DBN1: variants seen among roughly 807,000 people sequenced by gnomAD.
DBN1 encodes drebrin.
DBN1 carries 21 observed loss-of-function variants against 83.5 expected under a neutral mutation model. The observed-to-expected ratio is 0.25, with a 90% CI of 0.18 to 0.36. The LOEUF (loss-of-function observed/expected upper bound fraction) is 0.36, where lower values mean the gene tolerates loss of function less well. Among genes scored for constraint, DBN1 ranks in the 10% least tolerant of loss-of-function variants. The probability of loss-of-function intolerance (pLI) is 1.00; values close to 1 mark genes in which losing one functional copy is unlikely to be tolerated. For synonymous variants in DBN1, 381 were observed against 384.9 expected (o/e 0.99, Z 0.12); for missense variants, 874 against 935.7 (o/e 0.93, Z 0.86).
Position 177,458,326 on chromosome 5 carries a change from T to C in DBN1, c.1646A>G (p.Glu549Gly). The C allele has an allele frequency of 6.2e-7, 1 of 1,613,234 alleles. No homozygotes were observed. The highest frequency in any genetic ancestry group is 8.5e-7 in the Non-Finnish European group (1 of 1,179,370). ...CAGGGGCACCTCTGCCAGGGTGACCTCAGTACCCGAGGGTGGCGTGGGGGC... is the reference window on the plus strand; with the variant it reads ...CAGGGGCACCTCTGCCAGGGTGACCCCAGTACCCGAGGGTGGCGTGGGGGC... ...PRAPTPPSGTEVTLAEVPLLD... is the reference protein window; with the variant it reads ...PRAPTPPSGTGVTLAEVPLLD... The change falls in exon 13 of 15, where the codon GAG (glutamate) becomes GGG (glycine). Residue 549 changes from glutamate to glycine, a missense_variant. Around this residue, in one of 4 missense-constraint regions of DBN1, gnomAD observed 725 missense variants for 719.7 expected, o/e 1.01. Transcript: ENST00000393565.
In DBN1 at chr5:177,464,248, C is replaced by T. The variant is rs769322269; in HGVS notation, c.771+2524G>A. ...GGATCACGAGGTCAGGAGTTCGAGA[C>T]CAGCCTGACCAACACGGTGAAACCC... On this transcript the variant is annotated intron_variant, in intron 8 of 14. Coordinates refer to ENST00000393565, the MANE Select transcript of DBN1 (RefSeq NM_001363541.2). 4.6e-5 allele frequency among the ~76,000 whole-genome samples: 7 copies of T among 150,622 alleles called. No homozygotes were observed. In the East Asian group the frequency reaches 1.2e-3, roughly 26 times the overall value.
chr5:177,465,914 T>C (rs1757413263), intron 8 of DBN1, among the ~76,000 whole-genome samples: 2 of 151,036 alleles, frequency 1.3e-5, no homozygotes, highest in African/African-American at 4.9e-5. Context: ...ACCCAGCTCG[T>C]TCTCCACCAT....
Position 177,460,707 on chromosome 5 carries a change from G to A in DBN1, c.772-4C>T. 6.2e-7 allele frequency: 1 copy of A among 1,613,686 alleles called. No homozygotes were observed. Among genetic ancestry groups the A allele is most frequent in the Non-Finnish European group, 8.5e-7 (1 of 1,179,898 alleles). Reference sequence around the variant, plus strand: ...CCTCCTCATCCCGATGGTCACCCTAGAAACCAAAGGGACAGTGTCTGGTGC... The same window carrying A: ...CCTCCTCATCCCGATGGTCACCCTAAAAACCAAAGGGACAGTGTCTGGTGC... On this transcript the variant is annotated splice_polypyrimidine_tract_variant and splice_region_variant and intron_variant, in intron 8 of 14. Coordinates refer to ENST00000393565, the MANE Select transcript of DBN1 (RefSeq NM_001363541.2).
chr5:177,457,974 G>A, intron 13 of DBN1, 84 bp downstream of exon 13: 4 of 1,569,974 alleles, frequency 2.5e-6, no homozygotes, highest in Non-Finnish European at 3.5e-6. Context: ...GGGGGTACTG[G>A]TGCAAGCATG....
Position 177,473,434 on chromosome 5 carries a change from A to C in DBN1, c.86+2T>G. ...GGCCGGGGGCGGGGGCGGGGGGCTC[A>C]CCAGTCGGCCGCGCTCTCCTCTCGG... On this transcript the variant is annotated splice_donor_variant, in intron 1 of 14. Coordinates refer to ENST00000393565, the MANE Select transcript of DBN1 (RefSeq NM_001363541.2). LOFTEE classifies it high-confidence loss of function. The C allele has an allele frequency of 7.1e-7, 1 of 1,403,152 alleles. No homozygotes were observed. The highest frequency in any genetic ancestry group is 9.4e-7 in the Non-Finnish European group (1 of 1,067,434). 86.9% of individuals were successfully genotyped at this position (1,403,152 alleles called of 1,614,324 possible). A position where few individuals can be genotyped will look rare whatever the true frequency, so the allele number is the denominator to read the frequency against.
intron 10 of DBN1, 118 bp downstream of exon 10, chr5:177,460,310 TGAAG>T: frequency 7.0e-7 from 1 of 1,433,018 alleles, no homozygotes; most frequent in Middle Eastern, 2.5e-4. Flanking sequence ...GCACGCTGGA[TGAAG>T]GGTCTCGCCT....
At chr5:177,460,725 T>C (rs1456563293) in intron 8 of DBN1, 22 bp from the exon 9 acceptor site, 1 of 1,612,726 alleles carries the variant, frequency 6.2e-7, no homozygotes, top group Non-Finnish European at 8.5e-7. Context: ...AGGGACAGTG[T>C]CTGGTGCACC....
chr5:177,466,638 A>G lies in DBN1; in HGVS notation c.771+134T>C. ...GGTGCCAGGCCTCATGCTCCATGGC[A>G]CCCTGTGCCCATGCAGCTCCCCAGA... On this transcript the variant is annotated intron_variant, in intron 8 of 14. Transcript: ENST00000393565. This position sits in a 1 kb window ranked among gnomAD's most constrained non-coding sequence, Gnocchi z 4.8. The G allele has an allele frequency of 9.9e-7, 1 of 1,006,392 alleles. No individual in the cohort carries two copies. The highest frequency in any genetic ancestry group is 2.4e-5 in the East Asian group (1 of 42,086). The allele number at this position is 1,006,392 out of a possible 1,614,324, so 62.3% of individuals were successfully genotyped here.
In DBN1 at chr5:177,458,657, C is replaced by T; in HGVS notation, c.1315G>A (p.Ala439Thr). The T allele has an allele frequency of 6.3e-7, 1 of 1,580,362 alleles. No individual in the cohort carries two copies. The highest frequency in any genetic ancestry group is 8.6e-7 in the Non-Finnish European group (1 of 1,164,878). ...ATGGGGCCGGCCCAGGCCTGAGGGG[C>T]TGCTGCTCTGGTCTCCTCACTGTCT... ...ILDSEETRAAAPQAWAGPMEE... is the reference protein window; with the variant it reads ...ILDSEETRAATPQAWAGPMEE... The change falls in exon 13 of 15, where the codon GCC becomes ACC. Residue 439 changes from alanine to threonine, a missense_variant. Physicochemically the swap from Ala to Thr is moderately conservative, Grantham distance 58 (BLOSUM62 0). Transcript: ENST00000393565.
rs1326267698 is a variant in DBN1 at position 177,457,418 on chromosome 5, G to C, written c.*15C>G. The C allele has an allele frequency of 1.4e-5, 22 of 1,612,674 alleles. No individual in the cohort carries two copies. Among genetic ancestry groups the C allele is most frequent in the East Asian group, 8.9e-5 (4 of 44,882 alleles). On this transcript the variant is annotated 3_prime_UTR_variant, in exon 15 of 15. Coordinates refer to ENST00000393565, the MANE Select transcript of DBN1 (RefSeq NM_001363541.2). ...GGGCGGCCTTGGCAAGGGTAGCCTA[G>C]GGCTGGCGCCACCGCTAATCACCAC...
At chr5:177,461,167 C>A (rs1459985947) in intron 8 of DBN1, among the ~76,000 whole-genome samples, 2 of 135,344 alleles carry the variant, frequency 1.5e-5, no homozygotes, top group East Asian at 4.2e-4. Flanking sequence ...GGCGGGATCT[C>A]GGCTCACTGC....
At position 177,468,359 on chromosome 5, in the gene DBN1, C is replaced by T. The variant is rs1324017882; in HGVS notation, c.143-139G>A. 12 of 695,966 alleles carry T rather than the reference C, an allele frequency of 1.7e-5. No individual in the cohort carries two copies. In the Admixed American group the frequency reaches 2.8e-4, roughly 16 times the overall value. 43.1% of individuals were successfully genotyped at this position (695,966 alleles called of 1,614,324 possible). On this transcript the variant is annotated intron_variant, in intron 2 of 14. Transcript: ENST00000393565. ...TCTGGCCTCTGGGGTCTGTGGGTCCCAGTTTTGTGTTGGTATGTGTGGGGG... is the reference window on the plus strand; with the variant it reads ...TCTGGCCTCTGGGGTCTGTGGGTCCTAGTTTTGTGTTGGTATGTGTGGGGG...
chr5:177,468,506 CCA>C, intron 2 of DBN1: 11 of 497,274 alleles, frequency 2.2e-5, no homozygotes, highest in Admixed American at 1.3e-4. Flanking sequence ...TCATGTCTCA[CCA>C]GGTGCCAGTG....
At chr5:177,464,523 G>A (rs1757273720) in intron 8 of DBN1, among the ~76,000 whole-genome samples, 1 of 151,922 alleles carries the variant, frequency 6.6e-6, no homozygotes, top group African/African-American at 2.4e-5. Flanking sequence ...ACTTTGGGAG[G>A]CCGAGGAGGG....
At position 177,464,949 on chromosome 5, in the gene DBN1, T is replaced by G. The variant is rs186862792; in HGVS notation, c.771+1823A>C. 4.8e-4 allele frequency among the ~76,000 whole-genome samples: 73 copies of G among 152,074 alleles called. No individual in the cohort carries two copies. In the South Asian group the frequency reaches 0.012, roughly 25 times the overall value. ...GTGGGCAGATCATGAGGTCAGGAGA[T>G]CGAGACCACCCTGGCTAACATGGTG... is the stretch of plus-strand genomic sequence containing the variant. On this transcript the variant is annotated intron_variant, in intron 8 of 14. Transcript: ENST00000393565.
rs536566920 is a variant in DBN1 at position 177,467,236 on chromosome 5, C to G, written c.555+19G>C. The G allele has an allele frequency of 1.2e-6, 2 of 1,613,860 alleles. No homozygotes were observed. The highest frequency in any genetic ancestry group is 2.7e-5 in the African/African-American group (2 of 74,916). On this transcript the variant is annotated intron_variant, in intron 6 of 14. Coordinates refer to ENST00000393565, the MANE Select transcript of DBN1 (RefSeq NM_001363541.2). The surrounding 1 kb of genome is among the most constrained non-coding windows in gnomAD (Gnocchi z 9.1). Reference sequence around the variant, plus strand: ...TCCATGAGGGGTGGCTCAGCCAGGCCGGGCTCAGGGTTCCATACCTTGGCC... The same window carrying G: ...TCCATGAGGGGTGGCTCAGCCAGGCGGGGCTCAGGGTTCCATACCTTGGCC...
chr5:177,459,555 G>A, intron 11 of DBN1, 48 bp downstream of exon 11: 1 of 1,454,324 alleles, frequency 6.9e-7, no homozygotes, highest in Non-Finnish European at 9.1e-7. Flanking sequence ...CTGCTGGGAA[G>A]CGGGGCCCTC....
chr5:177,472,112 G>A, intron 1 of DBN1: 7 of 1,606,500 alleles, frequency 4.4e-6, no homozygotes, highest in African/African-American at 1.3e-5. Flanking sequence ...CCTCTCCTGT[G>A]ACTGACCTGC....
chr5:177,461,110 T>TC, intron 8 of DBN1, among the ~76,000 whole-genome samples: 1 of 144,000 alleles, frequency 6.9e-6, no homozygotes, highest in East Asian at 2.0e-4. Context: ...TTTTTTTTTT[T>TC]TTTTTTGAGA....
Sources: allele counts gnomAD v4.1 joint callset (sites outside exome capture counted in the v4.1 genomes callset), GRCh38; gene constraint gnomAD v4.1.1; regional missense constraint gnomAD v4.1.1; non-coding constraint Gnocchi (gnomAD v3.1); transcripts MANE v1.5; gene names NCBI Gene and HGNC (gene_info 2026-07-23, HGNC 2026-07-21).